SPRR2G: variants seen among roughly 807,000 people sequenced by gnomAD.
The protein encoded by SPRR2G is small proline-rich protein 2G.
Under a neutral mutation model 0.7 loss-of-function variants are expected in SPRR2G, and 1 was observed. That is an observed-to-expected ratio of 1.49 (90% CI 0.53 to 7.06). The LOEUF is 7.06. Among genes scored for constraint, SPRR2G ranks in the 30% most tolerant of loss-of-function variants. The pLI is 0.14. For missense variants in SPRR2G, 96 were observed against 88.5 expected, an observed-to-expected ratio of 1.09 and a Z score of -0.34; for synonymous variants, 38 against 33.9, an observed-to-expected ratio of 1.12 and a Z score of -0.42.
chr1:153,196,286 A>G, the SPRR2G span, among the ~76,000 whole-genome samples: 1 of 152,178 alleles, frequency 6.6e-6, no homozygotes, highest in South Asian at 2.1e-4. Context: ...CTATTTTTAG[A>G]TACTTGATGT....
At chr1:153,163,445 ATGGGTGATAGAGACTTGACTATTTG>A in the SPRR2G span, among the ~76,000 whole-genome samples, 1 of 152,214 alleles carries the variant, frequency 6.6e-6, no homozygotes, top group South Asian at 2.1e-4. Flanking sequence ...AATTGGAATT[ATGGGTGATAGAGACTTGACTATTTG>A]TATTTGGGGC....
the SPRR2G span, among the ~76,000 whole-genome samples, chr1:153,167,373 C>T: frequency 6.6e-6 from 1 of 152,044 alleles, no homozygotes; most frequent in Non-Finnish European, 1.5e-5. Flanking sequence ...ACTCGGGAGG[C>T]TGAAGCAGGA....
chr1:153,151,873 G>T (rs79792745), upstream of SPRR2G, among the ~76,000 whole-genome samples: 1 of 152,094 alleles, frequency 6.6e-6, no homozygotes, highest in Non-Finnish European at 1.5e-5. Context: ...CAGATCCCAC[G>T]GATAATTTCT....
chr1:153,160,954 A>C, the SPRR2G span, among the ~76,000 whole-genome samples: 1 of 151,732 alleles, frequency 6.6e-6, no homozygotes, highest in African/African-American at 2.4e-5. Flanking sequence ...ACATGGATGA[A>C]GCTGGAAACC....
the SPRR2G span, among the ~76,000 whole-genome samples, chr1:153,156,928 G>A: frequency 8.5e-5 from 13 of 152,076 alleles, no homozygotes; most frequent in Admixed American, 7.9e-4. Context: ...TCTTCTGAAT[G>A]TCACCCTGTG....
At chr1:153,195,195 G>T in the SPRR2G span, among the ~76,000 whole-genome samples, 1 of 152,014 alleles carries the variant, frequency 6.6e-6, no homozygotes, top group East Asian at 1.9e-4. Flanking sequence ...TCCCTTCCCC[G>T]CAGCATCTAG....
At chr1:153,198,617 T>A in the SPRR2G span, among the ~76,000 whole-genome samples, 3 of 152,034 alleles carry the variant, frequency 2.0e-5, no homozygotes, top group Non-Finnish European at 4.4e-5. Flanking sequence ...TCTGGGATGA[T>A]CCCAGGTTTC....
chr1:153,192,973 C>T, the SPRR2G span, among the ~76,000 whole-genome samples: 1 of 152,058 alleles, frequency 6.6e-6, no homozygotes, highest in East Asian at 1.9e-4. Context: ...GCACAAGGTG[C>T]GTCCTTTGTG....
Position 153,149,664 on chromosome 1 carries a change from T to C in SPRR2G, c.*225A>G. The C allele has an allele frequency of 1.6e-6, 1 of 616,562 alleles. No individual in the cohort carries two copies. 38.2% of individuals were successfully genotyped at this position (616,562 alleles called of 1,614,324 possible). On this transcript the variant is annotated 3_prime_UTR_variant, in exon 2 of 2. Transcript: ENST00000368748. ...TGCTCTCAGGATAGGAACCACCATC[T>C]ACATCACAGACAGCAAAGCGAGATT...
chr1:153,190,998 G>A, the SPRR2G span: 2 of 152,240 alleles, frequency 1.3e-5, no homozygotes, highest in Non-Finnish European at 2.9e-5. Context: ...ACAAATGGAG[G>A]AAAGTGGAGA....
chr1:153,185,642 T>G, the SPRR2G span, among the ~76,000 whole-genome samples: 3 of 152,296 alleles, frequency 2.0e-5, no homozygotes, highest in East Asian at 5.8e-4. Context: ...AGTCTATCTA[T>G]TTTGTTAATC....
chr1:153,159,297 G>A, the SPRR2G span, among the ~76,000 whole-genome samples: 1 of 152,206 alleles, frequency 6.6e-6, no homozygotes, highest in Non-Finnish European at 1.5e-5. Context: ...CCAGGGCAGA[G>A]GCAAAATGTC....
At chr1:153,159,828 C>T in the SPRR2G span, among the ~76,000 whole-genome samples, 1 of 152,156 alleles carries the variant, frequency 6.6e-6, no homozygotes, top group Non-Finnish European at 1.5e-5. Context: ...CATAAGAACT[C>T]GCACACTATC....
At chr1:153,187,416 C>G in the SPRR2G span, among the ~76,000 whole-genome samples, 3 of 152,050 alleles carry the variant, frequency 2.0e-5, no homozygotes, top group African/African-American at 7.2e-5. Context: ...TCTTTTTTCT[C>G]TAATCTTGTC....
chr1:153,156,523 G>A, the SPRR2G span, among the ~76,000 whole-genome samples: 2 of 152,200 alleles, frequency 1.3e-5, no homozygotes, highest in Admixed American at 6.5e-5. Flanking sequence ...GACAGAGGTA[G>A]TAGAATATTA....
At chr1:153,157,413 A>G in the SPRR2G span, among the ~76,000 whole-genome samples, 4 of 152,230 alleles carry the variant, frequency 2.6e-5, no homozygotes, top group African/African-American at 9.6e-5. Context: ...AGAATAACAA[A>G]TTGTTGATAA....
chr1:153,195,946 G>A, the SPRR2G span, among the ~76,000 whole-genome samples: 1 of 152,106 alleles, frequency 6.6e-6, no homozygotes, highest in African/African-American at 2.4e-5. Flanking sequence ...CTCCTCCCAG[G>A]TCCTTCCCAG....
In SPRR2G at chr1:153,150,102, G is replaced by C; in HGVS notation, c.9C>G (p.Tyr3Ter). ...AGGGCTGCTTGCACTGCTGCTGCTG[G>C]TAAGACATCTCTCCTCAGTCTCAGA... MS[Y>*]QQQQCKQPCQ... Residue 3 changes from tyrosine to a stop codon, truncating the protein, a stop_gained, in exon 2 of 2, where the codon TAC becomes TAG. Transcript: ENST00000368748. LOFTEE classifies it low-confidence loss of function (END_TRUNC). 1 of 1,612,280 alleles carries C rather than the reference G, an allele frequency of 6.2e-7. No individual in the cohort carries two copies. Among genetic ancestry groups the C allele is most frequent in the Non-Finnish European group, 8.5e-7 (1 of 1,179,844 alleles).
At chr1:153,169,864 G>A in the SPRR2G span, among the ~76,000 whole-genome samples, 1 of 152,150 alleles carries the variant, frequency 6.6e-6, no homozygotes, top group East Asian at 1.9e-4. Flanking sequence ...CCAAATATCT[G>A]TATTTCTGGC....
Sources: allele counts gnomAD v4.1 joint callset (sites outside exome capture counted in the v4.1 genomes callset), GRCh38; gene constraint gnomAD v4.1.1; transcripts MANE v1.5; gene names NCBI Gene and HGNC (gene_info 2026-07-23, HGNC 2026-07-21).